SDK1: variants seen among roughly 807,000 people sequenced by gnomAD.
SDK1 encodes protein sidekick-1.
SDK1 carries 157 observed loss-of-function variants against 245.5 expected under a neutral mutation model. The observed-to-expected ratio is 0.64, with a 90% CI of 0.56 to 0.73. The LOEUF (loss-of-function observed/expected upper bound fraction) is 0.73, where lower values mean the gene tolerates loss of function less well. Among genes scored for constraint, SDK1 ranks in the 30% least tolerant of loss-of-function variants. The pLI is 0.00. For missense variants in SDK1, 3,583 were observed against 3,002.3 expected (o/e 1.19, Z -4.52); for synonymous variants, 1,647 against 1,278.5 (o/e 1.29, Z -6.15).
At chr7:3,690,499 A>C (rs2114994972) in intron 4 of SDK1, among the ~76,000 whole-genome samples, 1 of 151,996 alleles carries the variant, frequency 6.6e-6, no homozygotes, top group Admixed American at 6.6e-5. Context: ...ATAAAAATAA[A>C]CCCACTGGAT....
chr7:3,764,828 CAGAT>C (rs552296280), intron 4 of SDK1, among the ~76,000 whole-genome samples: 52 of 151,778 alleles, frequency 3.4e-4, no homozygotes, highest in Non-Finnish European at 5.1e-4. Flanking sequence ...AATTCAGAAA[CAGAT>C]AGGAAAATCC....
chr7:3,661,334 G>T (rs919296370), intron 4 of SDK1, among the ~76,000 whole-genome samples: 1 of 152,300 alleles, frequency 6.6e-6, no homozygotes, highest in African/African-American at 2.4e-5. Context: ...TAAGAATTTT[G>T]TCTATGGAAA....
chr7:3,642,207 A>G (rs1210206002), intron 4 of SDK1, 102 bp downstream of exon 4: 1 of 1,150,448 alleles, frequency 8.7e-7, no homozygotes, highest in Non-Finnish European at 1.2e-6. Flanking sequence ...GATGATTTAA[A>G]AAGAGCAAAC....
intron 1 of SDK1, among the ~76,000 whole-genome samples, chr7:3,559,168 A>C (rs1475478698): frequency 1.3e-5 from 2 of 152,208 alleles, no homozygotes; most frequent in African/African-American, 4.8e-5. Flanking sequence ...ATTATATAAT[A>C]TGTTACATAT....
In SDK1 at chr7:4,266,873, A is replaced by G. The variant is rs2128246446; in HGVS notation, c.*1489A>G. 2.0e-6 allele frequency: 2 copies of G among 985,520 alleles called. No homozygotes were observed. The highest frequency in any genetic ancestry group is 2.4e-6 in the Non-Finnish European group (2 of 829,980). The allele number at this position is 985,520 out of a possible 1,614,324, so 61.0% of individuals were successfully genotyped here. On this transcript the variant is annotated 3_prime_UTR_variant, in exon 45 of 45. Coordinates refer to ENST00000404826, the MANE Select transcript of SDK1 (RefSeq NM_152744.4). ...CAAGACCACCCTGTCAGTGCCCCCC[A>G]GTGCACGGCAAACGGGCAGGTGCCG...
Position 3,671,755 on chromosome 7 carries a change from A to G in SDK1, c.713+29650A>G, listed in dbSNP as rs541668359. Reference sequence around the variant, plus strand: ...GAAAAACCTAATGCATTTTTTGGTGAGTTTTATAATGAGATTAAAAAGAAA... The same window carrying G: ...GAAAAACCTAATGCATTTTTTGGTGGGTTTTATAATGAGATTAAAAAGAAA... On this transcript the variant is annotated intron_variant, in intron 4 of 44. Coordinates refer to ENST00000404826, the MANE Select transcript of SDK1 (RefSeq NM_152744.4). 7.6e-4 allele frequency among the ~76,000 whole-genome samples: 115 copies of G among 152,282 alleles called. 1 individual carries two copies. Among genetic ancestry groups the G allele is most frequent in the African/African-American group, 2.7e-3 (114 of 41,564 alleles).
At chr7:3,885,954 C>A (rs752715103) in intron 5 of SDK1, among the ~76,000 whole-genome samples, 7 of 152,180 alleles carry the variant, frequency 4.6e-5, no homozygotes, top group Non-Finnish European at 1.0e-4. Flanking sequence ...TTTGGATGGT[C>A]TCAGAGGCAT....
At chr7:3,768,598 C>G (rs1412384614) in intron 4 of SDK1, among the ~76,000 whole-genome samples, 1 of 152,160 alleles carries the variant, frequency 6.6e-6, no homozygotes, top group Non-Finnish European at 1.5e-5. Flanking sequence ...CTTGGAAGCT[C>G]CAGTGCCACC....
At chr7:3,681,747 T>A (rs1444184133) in intron 4 of SDK1, among the ~76,000 whole-genome samples, 2 of 152,224 alleles carry the variant, frequency 1.3e-5, no homozygotes, top group Admixed American at 6.5e-5. Context: ...AATGAATACA[T>A]TGAATCTATG....
intron 1 of SDK1, among the ~76,000 whole-genome samples, chr7:3,577,530 A>AC (rs1324809340): frequency 6.6e-6 from 1 of 151,744 alleles, no homozygotes; most frequent in African/African-American, 2.4e-5. Context: ...TTGTGCCTCC[A>AC]CCTCAAGGGT....
intron 4 of SDK1, among the ~76,000 whole-genome samples, chr7:3,780,414 A>C (rs1017742693): frequency 6.6e-6 from 1 of 152,256 alleles, no homozygotes; most frequent in African/African-American, 2.4e-5. Context: ...GGCAGAGGTC[A>C]TGGTTACCAG....
intron 5 of SDK1, among the ~76,000 whole-genome samples, chr7:3,880,391 G>C (rs1050565326): frequency 3.3e-5 from 5 of 152,158 alleles, no homozygotes; most frequent in African/African-American, 9.7e-5. Context: ...GCAACACAGC[G>C]AGAACCAGCA....
At chr7:3,830,679 G>A (rs1779892051) in intron 5 of SDK1, among the ~76,000 whole-genome samples, 1 of 151,926 alleles carries the variant, frequency 6.6e-6, no homozygotes, top group Non-Finnish European at 1.5e-5. Context: ...AAAAATTTTT[G>A]TGGAGACAGG....
chr7:3,500,761 CT>C (rs1782177261), intron 1 of SDK1, among the ~76,000 whole-genome samples: 2 of 152,126 alleles, frequency 1.3e-5, no homozygotes, highest in African/African-American at 4.8e-5. Flanking sequence ...TCCTTTCTTT[CT>C]AAGACTCCTG....
intron 4 of SDK1, among the ~76,000 whole-genome samples, chr7:3,646,919 A>T (rs769773100): frequency 3.6e-4 from 55 of 152,344 alleles, no homozygotes; most frequent in Admixed American, 5.2e-4. Context: ...ATAGAGACAG[A>T]AAGCAGAACA....
chr7:3,720,903 C>T (rs1432954588), intron 4 of SDK1, among the ~76,000 whole-genome samples: 2 of 152,242 alleles, frequency 1.3e-5, no homozygotes, highest in African/African-American at 4.8e-5. Context: ...TTCCATCACA[C>T]ATCGCTCATA....
At chr7:4,202,005 T>A (rs557844406) in intron 35 of SDK1, among the ~76,000 whole-genome samples, 1 of 152,268 alleles carries the variant, frequency 6.6e-6, no homozygotes, top group Admixed American at 6.5e-5. Context: ...CTTCCATCTC[T>A]ATAGTCAGCA....
chr7:3,431,177 A>G (rs1779834738), intron 1 of SDK1, among the ~76,000 whole-genome samples: 1 of 152,172 alleles, frequency 6.6e-6, no homozygotes, highest in Admixed American at 6.6e-5. Context: ...CTGGGATTAC[A>G]GGCGTGAGGC....
intron 22 of SDK1, among the ~76,000 whole-genome samples, chr7:4,108,045 C>G (rs1783060685): frequency 6.6e-6 from 1 of 152,232 alleles, no homozygotes; most frequent in Non-Finnish European, 1.5e-5. Context: ...CTCCTCTCCA[C>G]TAGACACTGT....
Sources: gnomAD v4.1 joint callset for allele counts (sites outside exome capture counted in the v4.1 genomes callset) on GRCh38, gnomAD v4.1.1 for gene constraint, MANE v1.5 for transcripts, NCBI Gene and HGNC (gene_info 2026-07-23, HGNC 2026-07-21) for gene names.